BCAS4: variants seen among roughly 807,000 people sequenced by gnomAD.
BCAS4 encodes the protein breast carcinoma-amplified sequence 4.
Under a neutral mutation model 15.7 loss-of-function variants are expected in BCAS4, and 9 were observed. The observed-to-expected ratio is 0.57, with a 90% CI of 0.34 to 1.00. The LOEUF (loss-of-function observed/expected upper bound fraction) is 1.00, where lower values mean the gene tolerates loss of function less well. BCAS4 is among the 50% of genes least tolerant of loss of function. BCAS4 has a pLI of 0.02. For synonymous variants in BCAS4, 101 were observed against 99.5 expected (o/e 1.02, Z -0.09); for missense variants, 225 against 239.1 (o/e 0.94, Z 0.39).
chr20:50,829,536 C>G lies in BCAS4; in HGVS notation c.163-743C>G, dbSNP rs546463439. Among the ~76,000 whole-genome samples, 604 of 152,080 alleles carry G rather than the reference C, an allele frequency of 4.0e-3. 4 individuals carry two copies. Among genetic ancestry groups the G allele is most frequent in the Non-Finnish European group, 6.0e-3 (406 of 67,984 alleles). On this transcript the variant is annotated intron_variant, in intron 2 of 4. Coordinates refer to ENST00000371608, the MANE Select transcript of BCAS4 (RefSeq NM_198799.4). Reference sequence around the variant, plus strand: ...GGGATTACAGGCGTGAGCCACCACGCCCAGCCGCTCCCCAGAATTTGAGAG... The same window carrying G: ...GGGATTACAGGCGTGAGCCACCACGGCCAGCCGCTCCCCAGAATTTGAGAG...
chr20:50,868,747 G>A (rs954484772), intron 4 of BCAS4, among the ~76,000 whole-genome samples: 5 of 152,160 alleles, frequency 3.3e-5, no homozygotes, highest in African/African-American at 1.2e-4. Context: ...TAAATAACCC[G>A]GGCTTGAGTC....
chr20:50,833,518 C>A (rs758717112), intron 3 of BCAS4, among the ~76,000 whole-genome samples: 15 of 152,212 alleles, frequency 9.9e-5, no homozygotes, highest in Non-Finnish European at 1.9e-4. Flanking sequence ...CCCTCCAACC[C>A]CACTCCCCAG....
At chr20:50,840,870 C>T (rs1040695737) in intron 3 of BCAS4, 24 of 794,596 alleles carry the variant, frequency 3.0e-5, no homozygotes, top group African/African-American at 6.8e-5. Context: ...ACTCTTGTCG[C>T]GCAGGCTGGA....
intron 4 of BCAS4, among the ~76,000 whole-genome samples, chr20:50,853,288 G>A (rs1026054657): frequency 1.2e-4 from 18 of 151,694 alleles, no homozygotes; most frequent in Non-Finnish European, 2.4e-4. Flanking sequence ...GGGACTACAG[G>A]CACATACCAC....
intron 3 of BCAS4, among the ~76,000 whole-genome samples, chr20:50,835,703 C>T (rs553318782): frequency 6.6e-6 from 1 of 152,122 alleles, no homozygotes; most frequent in Non-Finnish European, 1.5e-5. Context: ...GCGTGAATCT[C>T]CCGGCTGTCA....
chr20:50,876,731 AT>A lies in BCAS4; in HGVS notation c.*124del. 1 of 1,234,194 alleles carries A rather than the reference AT, an allele frequency of 8.1e-7. No homozygotes were observed. Among genetic ancestry groups the A allele is most frequent in the Non-Finnish European group, 1.1e-6 (1 of 942,998 alleles). The allele number at this position is 1,234,194 out of a possible 1,614,324, so 76.5% of individuals were successfully genotyped here. A position where few individuals can be genotyped will look rare whatever the true frequency, so the allele number is the denominator to read the frequency against. The stretch of plus-strand genomic sequence containing the variant: ...TAAAAATATTTAAAAAAATGTCGAG[AT>A]GGGGTCTCACTATGTTGTCCAGACT... On this transcript the variant is annotated 3_prime_UTR_variant, in exon 5 of 5. Transcript: ENST00000371608.
intron 4 of BCAS4, among the ~76,000 whole-genome samples, chr20:50,849,651 A>G (rs372045755): frequency 6.6e-6 from 1 of 152,328 alleles, no homozygotes; most frequent in East Asian, 1.9e-4. Flanking sequence ...TGCCTCGTGT[A>G]CAGGAGTGGA....
intron 4 of BCAS4, among the ~76,000 whole-genome samples, chr20:50,859,507 G>C (rs981464427): frequency 5.5e-5 from 8 of 145,720 alleles, no homozygotes; most frequent in Non-Finnish European, 1.0e-4. Flanking sequence ...CTCTGGGGAG[G>C]TGACTTGAGA....
intron 4 of BCAS4, among the ~76,000 whole-genome samples, chr20:50,862,172 C>T (rs1979115460): frequency 6.6e-6 from 1 of 151,938 alleles, no homozygotes; most frequent in Non-Finnish European, 1.5e-5. Context: ...AGTTTTCCTT[C>T]TCTCTTCCCC....
Position 50,818,325 on chromosome 20 carries a change from A to T in BCAS4, c.162+43A>T, listed in dbSNP as rs1242147020. 5 of 1,189,354 alleles carry T rather than the reference A, an allele frequency of 4.2e-6. No individual in the cohort carries two copies. The Admixed American group carries it at 1.3e-4, about 31-fold the overall frequency. The allele number at this position is 1,189,354 out of a possible 1,614,324, so 73.7% of individuals were successfully genotyped here. A position where few individuals can be genotyped will look rare whatever the true frequency, so the allele number is the denominator to read the frequency against. ...AGGCGTGGGTTTAGGCCCAGGCCAGACTTCAGGCCCTTGCTGGAGTTTTCT... is the reference window on the plus strand; with the variant it reads ...AGGCGTGGGTTTAGGCCCAGGCCAGTCTTCAGGCCCTTGCTGGAGTTTTCT... On this transcript the variant is annotated intron_variant, in intron 2 of 4. Transcript: ENST00000371608.
chr20:50,847,468 G>A (rs1568675345), intron 4 of BCAS4, among the ~76,000 whole-genome samples: 1 of 152,178 alleles, frequency 6.6e-6, no homozygotes, highest in African/African-American at 2.4e-5. Flanking sequence ...CGGGAATCAC[G>A]GGGCAGCTGA....
intron 4 of BCAS4, among the ~76,000 whole-genome samples, chr20:50,857,316 A>C (rs1162314203): frequency 6.6e-6 from 1 of 152,080 alleles, no homozygotes; most frequent in Non-Finnish European, 1.5e-5. Flanking sequence ...TTTTTAGTGG[A>C]GACGGGGTTT....
At chr20:50,815,746 G>A (rs1018002751) in intron 1 of BCAS4, among the ~76,000 whole-genome samples, 2 of 152,152 alleles carry the variant, frequency 1.3e-5, no homozygotes, top group African/African-American at 2.4e-5. Context: ...GGTGGAGATG[G>A]CTCATGCTGG....
upstream of BCAS4, chr20:50,794,907 T>C (rs2087830298): frequency 1.1e-6 from 1 of 941,762 alleles, no homozygotes; most frequent in Non-Finnish European, 1.3e-6. Flanking sequence ...TGGGTGGCGC[T>C]GCCCGCTCGG....
At chr20:50,818,707 C>G (rs2088173078) in intron 2 of BCAS4, among the ~76,000 whole-genome samples, 1 of 152,196 alleles carries the variant, frequency 6.6e-6, no homozygotes, top group South Asian at 2.1e-4. Flanking sequence ...CTAGGAGGAG[C>G]CTCTTGCCCA....
chr20:50,840,223 T>G (rs1221107703), intron 3 of BCAS4, among the ~76,000 whole-genome samples: 3 of 152,216 alleles, frequency 2.0e-5, no homozygotes, highest in East Asian at 3.8e-4. Context: ...TTTAAGTTTT[T>G]AAACTTTTTA....
chr20:50,808,011 G>C (rs1054888254), intron 1 of BCAS4, among the ~76,000 whole-genome samples: 3 of 150,476 alleles, frequency 2.0e-5, no homozygotes, highest in Non-Finnish European at 4.4e-5. Flanking sequence ...GGGTTCACGC[G>C]ATTCTCCTGC....
At chr20:50,848,285 G>A (rs1426622626) in intron 4 of BCAS4, among the ~76,000 whole-genome samples, 1 of 152,108 alleles carries the variant, frequency 6.6e-6, no homozygotes. Context: ...AAAATTAAAA[G>A]GGATCCCAGG....
At chr20:50,875,315 G>A (rs1979867457) in intron 4 of BCAS4, among the ~76,000 whole-genome samples, 1 of 152,242 alleles carries the variant, frequency 6.6e-6, no homozygotes, top group Admixed American at 6.5e-5. Flanking sequence ...CGCACAGTGA[G>A]CGGCTCGATG....
Sources: gnomAD v4.1 joint callset for allele counts (sites outside exome capture counted in the v4.1 genomes callset) on GRCh38, gnomAD v4.1.1 for gene constraint, MANE v1.5 for transcripts, NCBI Gene and HGNC (gene_info 2026-07-23, HGNC 2026-07-21) for gene names.